JMJD4: variants seen among roughly 807,000 people sequenced by gnomAD.
The protein encoded by JMJD4 is 2-oxoglutarate and iron-dependent oxygenase JMJD4.
A neutral mutation model predicts 36.3 loss-of-function variants in JMJD4; 34 were observed. The observed-to-expected ratio is 0.94, with a 90% CI of 0.71 to 1.25. The LOEUF (loss-of-function observed/expected upper bound fraction) is 1.25. JMJD4 is among the 50% of genes most tolerant of loss of function. The pLI is 0.00. For synonymous variants in JMJD4, 269 were observed against 235.3 expected (o/e 1.14, Z -1.31); for missense variants, 584 against 559.1 (o/e 1.04, Z -0.45).
chr1:227,733,685 C>T lies in JMJD4; in HGVS notation c.555-4G>A, dbSNP rs969857945. 19 of 1,599,720 alleles carry T rather than the reference C, an allele frequency of 1.2e-5. No homozygotes were observed. The highest frequency in any genetic ancestry group is 5.0e-5 in the Admixed American group (3 of 59,946). ...GATGTCAGCATGGAACGGGGACCTG[C>T]GGCAGCAAGAGCGCCTGGTTCATGC... On this transcript the variant is annotated splice_polypyrimidine_tract_variant and splice_region_variant and intron_variant, in intron 3 of 5. Coordinates refer to ENST00000620518, the MANE Select transcript of JMJD4 (RefSeq NM_023007.3).
In JMJD4 at chr1:227,735,216, C is replaced by T; in HGVS notation, c.58G>A (p.Val20Ile). 1 of 1,590,482 alleles carries T rather than the reference C, an allele frequency of 6.3e-7. No individual in the cohort carries two copies. The highest frequency in any genetic ancestry group is 1.7e-4 in the Middle Eastern group (1 of 6,024). Residue 20 changes from valine (V) to isoleucine (I), a missense_variant, in exon 1 of 6, where the codon GTC becomes ATC. Coordinates refer to ENST00000620518, the MANE Select transcript of JMJD4 (RefSeq NM_023007.3). ...CCCGGAGCCTGGCCGACGCCGGGGA[C>T]ATCGACCCCCAGGCCTCGGAAGTGG... ...DSHFRGLGVD[V>I]PGVGQAPGRV...
chr1:227,733,329 G>A, intron 4 of JMJD4, 85 bp downstream of exon 4: 1 of 1,419,942 alleles, frequency 7.0e-7, no homozygotes, highest in Admixed American at 2.4e-5. Flanking sequence ...TTCCAGCCCA[G>A]CTCTGGCTGG....
chr1:227,733,095 T>G, intron 4 of JMJD4, 68 bp from the exon 5 acceptor site: 2 of 1,552,294 alleles, frequency 1.3e-6, no homozygotes, highest in Non-Finnish European at 1.8e-6. Context: ...CCACATCTCC[T>G]GCGCCAGGAA....
chr1:227,735,171 C>A lies in JMJD4; in HGVS notation c.103G>T (p.Glu35Ter). The A allele has an allele frequency of 6.3e-7, 1 of 1,580,732 alleles. No homozygotes were observed. The highest frequency in any genetic ancestry group is 2.3e-5 in the East Asian group (1 of 42,804). ...QAPGRVAFVSEPGAFSYADFV... is the reference protein window; with the variant it reads ...QAPGRVAFVS ...TCGGCGTAGGAGAAGGCGCCCGGCT[C>A]CGAGACGAAGGCTACCCGGCCCGGA... Residue 35 changes from glutamate to a stop codon, truncating the protein, a stop_gained, in exon 1 of 6, where the codon GAG (glutamate) becomes TAG (stop). Transcript: ENST00000620518. LOFTEE classifies it high-confidence loss of function.
At position 227,732,405 on chromosome 1, in the gene JMJD4, G is replaced by A. The variant is rs1311186148; in HGVS notation, c.1241C>T (p.Ala414Val). Residue 414 changes from alanine to valine, a missense_variant, in exon 6 of 6, where the codon GCT becomes GTT. Ala to Val is a moderately conservative substitution (Grantham distance 64). Coordinates refer to ENST00000620518, the MANE Select transcript of JMJD4 (RefSeq NM_023007.3). The stretch of plus-strand genomic sequence containing the variant: ...TCACGACAGGTGCTATGGGGCCGCA[G>A]CAGCATCAACAGCCTCTCTCAGCTG... Reference protein sequence around the residue: ...LQQLREAVDAAAAP With the variant: ...LQQLREAVDAVAAP 6.2e-7 allele frequency: 1 copy of A among 1,612,622 alleles called. No homozygotes were observed. Among genetic ancestry groups the A allele is most frequent in the Non-Finnish European group, 8.5e-7 (1 of 1,179,988 alleles).
At chr1:227,734,070 G>A (rs1227310084) in intron 2 of JMJD4, 38 bp from the exon 3 acceptor site, 12 of 1,599,114 alleles carry the variant, frequency 7.5e-6, no homozygotes, top group Admixed American at 6.8e-5. Flanking sequence ...GACAGCACGT[G>A]AGGCACGAGG....
Position 227,734,028 on chromosome 1 carries a change from A to C in JMJD4, c.433T>G (p.Phe145Val). Reference sequence around the variant, plus strand: ...AGGGTGAAAACGTCCTCCACCGGAAAGTCCCTGTGAGGAGGGCGCAAGGGC... The same window carrying C: ...AGGGTGAAAACGTCCTCCACCGGAACGTCCCTGTGAGGAGGGCGCAAGGGC... ...YLKDWHLCRD[F>V]PVEDVFTLPV... Residue 145 changes from phenylalanine to valine, a missense_variant, in exon 3 of 6, where the codon TTT (phenylalanine) becomes GTT (valine). By Grantham distance (50) the Phe-to-Val change is conservative. Transcript: ENST00000620518. The C allele has an allele frequency of 6.2e-7, 1 of 1,613,024 alleles. No homozygotes were observed. The highest frequency in any genetic ancestry group is 8.5e-7 in the Non-Finnish European group (1 of 1,179,762).
Position 227,733,601 on chromosome 1 carries a change from G to A in JMJD4, c.635C>T (p.Pro212Leu), listed in dbSNP as rs747713480. Residue 212 changes from proline (P) to leucine (L), a missense_variant, in exon 4 of 6, where the codon CCC becomes CTC. By Grantham distance (98) the Pro-to-Leu change is moderately conservative. Transcript: ENST00000620518. Reference protein sequence around the residue: ...VCGRKKWLLFPPGQEEALRDR... With the variant: ...VCGRKKWLLFLPGQEEALRDR... ...CCGCAGGGCCTCTTCCTGCCCTGGG[G>A]GGAAGAGGAGCCACTTCTTCCTCCC... 8 of 1,606,460 alleles carry A rather than the reference G, an allele frequency of 5.0e-6. No individual in the cohort carries two copies. The East Asian group carries it at 1.8e-4, about 36-fold the overall frequency.
Position 227,732,316 on chromosome 1 carries a change from GGT to G in JMJD4, c.*74_*75del, listed in dbSNP as rs1348152000. 3 of 1,528,008 alleles carry G rather than the reference GGT, an allele frequency of 2.0e-6. No individual in the cohort carries two copies. Among genetic ancestry groups the G allele is most frequent in the Non-Finnish European group, 2.7e-6 (3 of 1,115,348 alleles). The allele number at this position is 1,528,008 out of a possible 1,614,324, so 94.7% of individuals were successfully genotyped here. ...GTGGGCCCCAGGTCACAGGGAGGGC[GGT>G]CTTTATTTCTGGAAGGGCCCCGGAG... On this transcript the variant is annotated 3_prime_UTR_variant, in exon 6 of 6. Coordinates refer to ENST00000620518, the MANE Select transcript of JMJD4 (RefSeq NM_023007.3).
chr1:227,733,031 G>T lies in JMJD4; in HGVS notation c.823-4C>A, dbSNP rs771870526. 2.5e-6 allele frequency: 4 copies of T among 1,613,412 alleles called. No individual in the cohort carries two copies. The highest frequency in any genetic ancestry group is 3.4e-6 in the Non-Finnish European group (4 of 1,179,990). On this transcript the variant is annotated splice_region_variant and splice_polypyrimidine_tract_variant and intron_variant, in intron 4 of 5. Transcript: ENST00000620518. ...GGTTGATGGAGATGGTGTCATCCTG[G>T]AAGGGGCACAGTGCAGGCAGGCCTG...
At chr1:227,732,744 T>C (rs1350931785) in intron 5 of JMJD4, 68 bp from the exon 6 acceptor site, 25 of 1,595,550 alleles carry the variant, frequency 1.6e-5, no homozygotes. Flanking sequence ...GGACCCGACA[T>C]GCGCCCAGTC....
At chr1:227,734,938 C>T (rs1660974445) in intron 1 of JMJD4, 74 bp downstream of exon 1, 2 of 1,510,928 alleles carry the variant, frequency 1.3e-6, no homozygotes, top group Non-Finnish European at 1.8e-6. Flanking sequence ...GTGCCCCTCT[C>T]TAGGCGGGGG....
Position 227,732,929 on chromosome 1 carries a change from C to A in JMJD4, c.921G>T (p.Glu307Asp). ...LQQELCAVQE[E>D]VSEWRDSMPD... is the part of the protein sequence containing the mutation. The stretch of plus-strand genomic sequence containing the variant: ...GCATGGAGTCCCTCCACTCGCTGAC[C>A]TCCTCCTGCACGGCGCATAGCTCCT... Residue 307 changes from glutamate to aspartate, a missense_variant, in exon 5 of 6, where the codon GAG (glutamate) becomes GAT (aspartate). Coordinates refer to ENST00000620518, the MANE Select transcript of JMJD4 (RefSeq NM_023007.3). The A allele has an allele frequency of 6.2e-7, 1 of 1,613,098 alleles. No individual in the cohort carries two copies. Among genetic ancestry groups the A allele is most frequent in the Admixed American group, 1.7e-5 (1 of 60,028 alleles).
At chr1:227,733,707 A>C in intron 3 of JMJD4, 26 bp from the exon 4 acceptor site, 1 of 1,598,972 alleles carries the variant, frequency 6.3e-7, no homozygotes, top group Non-Finnish European at 8.5e-7. Flanking sequence ...CGCCTGGTTC[A>C]TGCCTGTAGG....
Position 227,735,155 on chromosome 1 carries a change from G to A in JMJD4, c.119C>T (p.Ser40Phe). Residue 40 changes from serine (S) to phenylalanine (F), a missense_variant, in exon 1 of 6, where the codon TCC becomes TTC. Physicochemically the swap from Ser to Phe is radical, Grantham distance 155. Transcript: ENST00000620518. ...VAFVSEPGAF[S>F]YADFVRGFLL... is the part of the protein sequence containing the mutation. Reference sequence around the variant, plus strand: ...GAAGCCCCGCACAAAGTCGGCGTAGGAGAAGGCGCCCGGCTCCGAGACGAA... The same window carrying A: ...GAAGCCCCGCACAAAGTCGGCGTAGAAGAAGGCGCCCGGCTCCGAGACGAA... 1.1e-5 allele frequency: 17 copies of A among 1,581,570 alleles called. No individual in the cohort carries two copies. The highest frequency in any genetic ancestry group is 1.8e-5 in the Admixed American group (1 of 55,426).
intron 4 of JMJD4, 71 bp from the exon 5 acceptor site, chr1:227,733,098 G>A (rs1260792442): frequency 1.8e-5 from 27 of 1,532,254 alleles, no homozygotes; most frequent in Middle Eastern, 1.7e-4. Context: ...CATCTCCTGC[G>A]CCAGGAACCC....
rs566082278 is a variant in JMJD4 at position 227,732,488 on chromosome 1, G to A, written c.1158C>T (p.Pro386=). The A allele has an allele frequency of 1.4e-5, 22 of 1,613,352 alleles. No individual in the cohort carries two copies. Among genetic ancestry groups the A allele is most frequent in the East Asian group, 4.5e-5 (2 of 44,868 alleles). ...TEVLASLVAH[P]DFQRVDTSAF... ...CGCTGGTGTCCACTCTCTGGAAGTC[G>A]GGGTGCGCAACCAAGGAGGCCAGCA... Residue 386 remains proline (P), a synonymous_variant, in exon 6 of 6, where the codon CCC becomes CCT. Transcript: ENST00000620518.
rs1660694119 is a variant in JMJD4, at chr1:227,732,196, C to T, written c.*196G>A. ...GGCCTGCTGCAGGTCAGAAGGGCCA[C>T]ATCCCATCTTGGGTCCCTGACCTCA... On this transcript the variant is annotated 3_prime_UTR_variant, in exon 6 of 6. Transcript: ENST00000620518. 3.2e-6 allele frequency: 2 copies of T among 634,822 alleles called. No homozygotes were observed. Among genetic ancestry groups the T allele is most frequent in the Non-Finnish European group, 2.8e-6 (1 of 362,640 alleles). The allele number at this position is 634,822 out of a possible 1,614,324, so 39.3% of individuals were successfully genotyped here. A position where few individuals can be genotyped will look rare whatever the true frequency, so the allele number is the denominator to read the frequency against.
At position 227,732,246 on chromosome 1, in the gene JMJD4, C is replaced by T. The variant is rs1268375777; in HGVS notation, c.*146G>A. On this transcript the variant is annotated 3_prime_UTR_variant, in exon 6 of 6. Coordinates refer to ENST00000620518, the MANE Select transcript of JMJD4 (RefSeq NM_023007.3). ...ATTGGGCCTCACCTGAAAACAGGCACCCAGGCAGTGGCCATGAACAGCCAG... is the reference window on the plus strand; with the variant it reads ...ATTGGGCCTCACCTGAAAACAGGCATCCAGGCAGTGGCCATGAACAGCCAG... 7.5e-6 allele frequency: 7 copies of T among 931,904 alleles called. 1 individual carries two copies. The South Asian group carries it at 7.9e-5, about 11-fold the overall frequency. The allele number at this position is 931,904 out of a possible 1,614,324, so 57.7% of individuals were successfully genotyped here.
Sources: gnomAD v4.1 joint callset for allele counts on GRCh38, gnomAD v4.1.1 for gene constraint, MANE v1.5 for transcripts, NCBI Gene and HGNC (gene_info 2026-07-23, HGNC 2026-07-21) for gene names.